Variants in VWA3B observed in about 807,000 individuals in gnomAD.
VWA3B encodes von Willebrand factor A domain-containing protein 3B.
VWA3B carries 138 observed loss-of-function variants against 158.3 expected under a neutral mutation model. That is an observed-to-expected ratio of 0.87 (90% confidence interval 0.76 to 1.00). VWA3B has a LOEUF of 1.00. Among genes scored for constraint, VWA3B ranks in the 50% least tolerant of loss-of-function variants. VWA3B has a pLI of 0.00. For missense variants in VWA3B, 1,555 were observed against 1,565.1 expected, an observed-to-expected ratio of 0.99 and a Z score of 0.11; for synonymous variants, 596 against 587.3, an observed-to-expected ratio of 1.01 and a Z score of -0.21.
intron 26 of VWA3B, among the ~76,000 whole-genome samples, chr2:98,310,761 A>G (rs1340170540): frequency 1.3e-5 from 2 of 152,196 alleles, no homozygotes; most frequent in African/African-American, 2.4e-5. Context: ...TCAGATTTAA[A>G]GATGATTTTG....
intron 21 of VWA3B, among the ~76,000 whole-genome samples, chr2:98,266,221 A>T (rs1277079048): frequency 6.6e-6 from 1 of 151,796 alleles, no homozygotes. Flanking sequence ...TAATTTTTGT[A>T]TAAGGTGTAA....
rs755570341 is a variant in VWA3B at position 98,212,051 on chromosome 2, AAG to A, written c.1836+26_1836+27del. 6.9e-6 allele frequency: 11 copies of A among 1,605,218 alleles called. 1 individual carries two copies. In the South Asian group the frequency reaches 1.2e-4, roughly 18 times the overall value. ...CAGGTACTTACCAGAGCTGGGAACA[AAG>A]AGGGCCTCACTGATGCTCTGAAAGC... On this transcript the variant is annotated intron_variant, in intron 13 of 27. Coordinates refer to ENST00000477737, the MANE Select transcript of VWA3B (RefSeq NM_144992.5).
At chr2:98,302,557 A>G (rs1215201253) in intron 25 of VWA3B, among the ~76,000 whole-genome samples, 1 of 152,206 alleles carries the variant, frequency 6.6e-6, no homozygotes, top group African/African-American at 2.4e-5. Context: ...TTAGGACCTT[A>G]CTGTGTGCCA....
chr2:98,163,816 G>A (rs567910446), intron 8 of VWA3B, among the ~76,000 whole-genome samples: 15 of 152,260 alleles, frequency 9.9e-5, no homozygotes, highest in African/African-American at 1.2e-4. Flanking sequence ...CGGTGGGAAC[G>A]AGGATGTGGA....
intron 7 of VWA3B, among the ~76,000 whole-genome samples, chr2:98,150,419 C>T (rs574180368): frequency 5.9e-5 from 9 of 152,248 alleles, no homozygotes; most frequent in Admixed American, 1.3e-4. Context: ...TTCAGGAGTT[C>T]GTGGTCATTC....
chr2:98,281,658 T>C (rs766199674), intron 22 of VWA3B, among the ~76,000 whole-genome samples: 7 of 152,192 alleles, frequency 4.6e-5, no homozygotes, highest in Non-Finnish European at 8.8e-5. Flanking sequence ...TCCACCACCA[T>C]GTCCAAGAGC....
At chr2:98,227,627 A>G (rs1685019259) in intron 14 of VWA3B, among the ~76,000 whole-genome samples, 1 of 152,234 alleles carries the variant, frequency 6.6e-6, no homozygotes, top group African/African-American at 2.4e-5. Flanking sequence ...ATATAAATGA[A>G]GAAAGTCAGG....
chr2:98,167,433 C>T (rs1242449245), intron 8 of VWA3B, among the ~76,000 whole-genome samples: 1 of 152,002 alleles, frequency 6.6e-6, no homozygotes, highest in Non-Finnish European at 1.5e-5. Context: ...GAATGAAGGC[C>T]AGTGATTTCT....
At chr2:98,303,191 AC>A in intron 25 of VWA3B, among the ~76,000 whole-genome samples, 1 of 150,978 alleles carries the variant, frequency 6.6e-6, no homozygotes, top group Non-Finnish European at 1.5e-5. Flanking sequence ...GAAGCCGCAG[AC>A]CCCAGAAAAG....
At chr2:98,211,737 G>A (rs866559977) in intron 12 of VWA3B, among the ~76,000 whole-genome samples, 193 bp from the exon 13 acceptor site, 14 of 152,182 alleles carry the variant, frequency 9.2e-5, no homozygotes, top group African/African-American at 3.4e-4. Flanking sequence ...TGGACTGCCC[G>A]GAAAGAGACT....
intron 12 of VWA3B, among the ~76,000 whole-genome samples, chr2:98,199,611 A>G (rs200733642): frequency 3.3e-5 from 5 of 152,200 alleles, no homozygotes; most frequent in African/African-American, 9.7e-5. Flanking sequence ...CAAATCTTCT[A>G]TAATGGACTG....
At chr2:98,127,091 C>A (rs1675426281) in intron 5 of VWA3B, among the ~76,000 whole-genome samples, 1 of 152,030 alleles carries the variant, frequency 6.6e-6, no homozygotes, top group Non-Finnish European at 1.5e-5. Flanking sequence ...GTCATGAATC[C>A]TAAAGGGATG....
intron 26 of VWA3B, among the ~76,000 whole-genome samples, chr2:98,304,824 C>A (rs1007527195): frequency 7.9e-5 from 12 of 152,096 alleles, no homozygotes; most frequent in Non-Finnish European, 1.5e-4. Flanking sequence ...ACACACGCAG[C>A]ACCCACAAAC....
chr2:98,320,857 A>C, the VWA3B span, among the ~76,000 whole-genome samples: 1 of 152,240 alleles, frequency 6.6e-6, no homozygotes, highest in East Asian at 1.9e-4. Context: ...AACTGCAGAA[A>C]TATGCATAAG....
chr2:98,248,041 T>G (rs1305615106), intron 19 of VWA3B, among the ~76,000 whole-genome samples: 4 of 152,118 alleles, frequency 2.6e-5, no homozygotes, highest in African/African-American at 9.7e-5. Flanking sequence ...TAGCCTAGAA[T>G]TTATTCTATT....
At chr2:98,284,033 G>A (rs1558760730) in intron 22 of VWA3B, among the ~76,000 whole-genome samples, 1 of 152,192 alleles carries the variant, frequency 6.6e-6, no homozygotes, top group Non-Finnish European at 1.5e-5. Flanking sequence ...CACCAGTGAT[G>A]GTGAATTCTC....
intron 21 of VWA3B, among the ~76,000 whole-genome samples, chr2:98,263,280 A>G (rs1425526292): frequency 6.6e-6 from 1 of 151,882 alleles, no homozygotes; most frequent in Non-Finnish European, 1.5e-5. Context: ...TTTCTCTAAG[A>G]CTTCCAGTAC....
intron 21 of VWA3B, among the ~76,000 whole-genome samples, chr2:98,264,654 C>G (rs1687682495): frequency 1.3e-5 from 2 of 152,002 alleles, no homozygotes; most frequent in African/African-American, 4.8e-5. Flanking sequence ...GGAGAATATT[C>G]CATGTGTACT....
intron 22 of VWA3B, among the ~76,000 whole-genome samples, chr2:98,287,053 CA>C (rs1175248121): frequency 6.6e-6 from 1 of 152,162 alleles, no homozygotes; most frequent in African/African-American, 2.4e-5. Context: ...AGGCTCAAAA[CA>C]TTGCTGCACT....
Sources: gnomAD v4.1 joint callset for allele counts (sites outside exome capture counted in the v4.1 genomes callset) on GRCh38, gnomAD v4.1.1 for gene constraint, MANE v1.5 for transcripts, NCBI Gene and HGNC (gene_info 2026-07-23, HGNC 2026-07-21) for gene names.